AHI1: variants seen among roughly 807,000 people sequenced by gnomAD.
The protein encoded by AHI1 is Abelson helper integration site 1, also known as jouberin.
A neutral mutation model predicts 149.3 loss-of-function variants in AHI1; 123 were observed. The observed-to-expected ratio is 0.82, with a 90% confidence interval of 0.71 to 0.96. The LOEUF (loss-of-function observed/expected upper bound fraction) is 0.96, where lower values mean the gene tolerates loss of function less well. Ranked by LOEUF, AHI1 falls within the 40% of genes least tolerant of loss-of-function variation. The pLI, the probability that AHI1 is intolerant of heterozygous loss-of-function variation, is 0.00. For missense variants in AHI1, 1,439 were observed against 1,422.7 expected, an observed-to-expected ratio of 1.01 and a Z score of -0.18; for synonymous variants, 475 against 459.8, an observed-to-expected ratio of 1.03 and a Z score of -0.42.
rs1211798694 is a variant in AHI1 at position 135,466,099 on chromosome 6, T to C, written c.464A>G (p.Gln155Arg). ...TGGCTGTGGCTTTGTATGTGTTTTC[T>C]GGTGTGTAGAATCAACCTTATTCTC... ...TPENKVDSTH[Q>R]KTHTKPQPGV... The change falls in exon 7 of 29, where the codon CAG becomes CGG. Residue 155 changes from glutamine (Q) to arginine (R), a missense_variant. Transcript: ENST00000265602. 23 of 1,613,822 alleles carry C rather than the reference T, an allele frequency of 1.4e-5. No individual in the cohort carries two copies. In the Admixed American group the frequency reaches 2.3e-4, roughly 16 times the overall value.
chr6:135,434,299 T>C (rs1198599325), intron 15 of AHI1, among the ~76,000 whole-genome samples: 2 of 151,942 alleles, frequency 1.3e-5, no homozygotes, highest in African/African-American at 4.8e-5. Context: ...TCCAAACTAA[T>C]AATAGAGGAA....
At position 135,302,661 on chromosome 6, in the gene AHI1, G is replaced by C. The variant is rs1784022936; in HGVS notation, c.3427-2103C>G. 4.2e-6 allele frequency: 5 copies of C among 1,176,646 alleles called. No individual in the cohort carries two copies. In the Middle Eastern group the frequency reaches 9.7e-4, roughly 228 times the overall value. The allele number at this position is 1,176,646 out of a possible 1,614,324, so 72.9% of individuals were successfully genotyped here. A position where few individuals can be genotyped will look rare whatever the true frequency, so the allele number is the denominator to read the frequency against. ...CAAAGTTTACCACTTACTTGAAAAG[G>C]ACACTTACTTAACTAGGACCAATAT... On this transcript the variant is annotated intron_variant, in intron 26 of 28. Transcript: ENST00000265602.
At chr6:135,489,873 T>C (rs1276454820) in intron 5 of AHI1, 13 of 241,528 alleles carry the variant, frequency 5.4e-5, no homozygotes, top group Middle Eastern at 1.3e-3. Flanking sequence ...TGTAGGATTA[T>C]AACTCATTAT....
At chr6:135,349,388 C>G (rs892483401) in intron 24 of AHI1, among the ~76,000 whole-genome samples, 3 of 152,228 alleles carry the variant, frequency 2.0e-5, no homozygotes, top group Non-Finnish European at 4.4e-5. Context: ...TGCCCTCCCT[C>G]TTTCACGCTA....
At chr6:135,328,503 A>G (rs1582610665) in intron 24 of AHI1, among the ~76,000 whole-genome samples, 1 of 47,926 alleles carries the variant, frequency 2.1e-5, no homozygotes, top group Non-Finnish European at 6.8e-5. Flanking sequence ...CCATAGCCAT[A>G]GAAGACAATA....
chr6:135,437,074 A>G (rs1785521858), intron 15 of AHI1, among the ~76,000 whole-genome samples: 1 of 152,248 alleles, frequency 6.6e-6, no homozygotes, highest in Non-Finnish European at 1.5e-5. Flanking sequence ...AGAGATTAAA[A>G]ATGGACATAT....
At chr6:135,321,146 C>T (rs1786759623) in intron 25 of AHI1, among the ~76,000 whole-genome samples, 1 of 152,020 alleles carries the variant, frequency 6.6e-6, no homozygotes, top group Non-Finnish European at 1.5e-5. Flanking sequence ...CCCTGTAGTT[C>T]CAGCTACTCA....
chr6:135,463,438 T>G, intron 7 of AHI1, 132 bp from the exon 8 acceptor site: 1 of 715,202 alleles, frequency 1.4e-6, no homozygotes, highest in East Asian at 2.9e-5. Flanking sequence ...TCTTGAGAGA[T>G]GCATGTATTT....
intron 26 of AHI1, among the ~76,000 whole-genome samples, chr6:135,303,106 T>C (rs1271432499): frequency 1.3e-5 from 2 of 152,186 alleles, no homozygotes; most frequent in Non-Finnish European, 2.9e-5. Flanking sequence ...AATGCAATGA[T>C]AGTTAACATA....
intron 7 of AHI1, among the ~76,000 whole-genome samples, chr6:135,464,808 C>G (rs1001026399): frequency 1.3e-5 from 2 of 152,200 alleles, no homozygotes; most frequent in African/African-American, 4.8e-5. Context: ...TTGACAGATC[C>G]TCCCCCAGTC....
chr6:135,358,432 C>T (rs1020365796), intron 23 of AHI1, among the ~76,000 whole-genome samples: 6 of 152,098 alleles, frequency 3.9e-5, no homozygotes, highest in African/African-American at 7.2e-5. Flanking sequence ...CTAGCAATAG[C>T]GCAAGATGTG....
At chr6:135,439,898 T>C (rs2128040954) in intron 14 of AHI1, among the ~76,000 whole-genome samples, 1 of 152,158 alleles carries the variant, frequency 6.6e-6, no homozygotes, top group Middle Eastern at 3.4e-3. Flanking sequence ...GTAAGAATCT[T>C]AGAAAAAATC....
intron 24 of AHI1, among the ~76,000 whole-genome samples, chr6:135,349,046 T>C (rs1181064680): frequency 6.6e-6 from 1 of 152,088 alleles, no homozygotes; most frequent in Non-Finnish European, 1.5e-5. Context: ...ATCCAGATAA[T>C]AGAAACCAAT....
chr6:135,391,228 T>C (rs1418675655), intron 23 of AHI1, among the ~76,000 whole-genome samples: 1 of 152,114 alleles, frequency 6.6e-6, no homozygotes, highest in Non-Finnish European at 1.5e-5. Context: ...CCCTTTCATA[T>C]TCATTCCTTG....
intron 27 of AHI1, 69 bp downstream of exon 27, chr6:135,300,431 G>A: frequency 7.2e-7 from 1 of 1,385,242 alleles, no homozygotes; most frequent in Non-Finnish European, 9.6e-7. Context: ...AATAAGAAAT[G>A]GAGAAATTAT....
intron 24 of AHI1, among the ~76,000 whole-genome samples, chr6:135,331,079 C>T (rs901452495): frequency 3.3e-5 from 5 of 152,180 alleles, no homozygotes. Flanking sequence ...CTTTCTTGAC[C>T]ATTCTTTTGA....
chr6:135,387,119 GTGATCT>G (rs1251404122), intron 23 of AHI1, among the ~76,000 whole-genome samples: 11 of 152,080 alleles, frequency 7.2e-5, no homozygotes, highest in African/African-American at 2.7e-4. Flanking sequence ...CTGAGCTCAA[GTGATCT>G]TACACCTCAG....
At position 135,467,630 on chromosome 6, in the gene AHI1, T is replaced by C. The variant is rs752326707; in HGVS notation, c.140A>G (p.Asp47Gly). The change falls in exon 6 of 29, where the codon GAC becomes GGC. Residue 47 changes from aspartate to glycine, a missense_variant. By Grantham distance (94) the Asp-to-Gly change is moderately conservative. Coordinates refer to ENST00000265602, the MANE Select transcript of AHI1 (RefSeq NM_001134831.2). ...LVRSEENISP[D>G]TIRSNLHYMK... ...ATAGTGAAGATTGCTTCTAATAGTG[T>C]CAGGCTAAAAAGGAAGACATAATAA... 6.2e-7 allele frequency: 1 copy of C among 1,604,372 alleles called. No individual in the cohort carries two copies. Among genetic ancestry groups the C allele is most frequent in the Non-Finnish European group, 8.5e-7 (1 of 1,173,902 alleles).
intron 21 of AHI1, among the ~76,000 whole-genome samples, chr6:135,405,329 A>G (rs1780608932): frequency 6.6e-6 from 1 of 152,206 alleles, no homozygotes; most frequent in Admixed American, 6.5e-5. Context: ...AATTATCTCT[A>G]TAAATAATAA....
Sources: gnomAD v4.1 joint callset for allele counts (sites outside exome capture counted in the v4.1 genomes callset) on GRCh38, gnomAD v4.1.1 for gene constraint, MANE v1.5 for transcripts, NCBI Gene and HGNC (gene_info 2026-07-23, HGNC 2026-07-21) for gene names.